Variants in TMEM209 observed in about 807,000 individuals in gnomAD.
TMEM209 encodes testicular tissue protein Li 202.
A neutral mutation model predicts 76.2 loss-of-function variants in TMEM209; 65 were observed. That is an observed-to-expected ratio of 0.85 (90% CI 0.70 to 1.05). The LOEUF (loss-of-function observed/expected upper bound fraction) is 1.05. Among genes scored for constraint, TMEM209 ranks in the 50% least tolerant of loss-of-function variants. TMEM209 has a pLI of 0.00. For synonymous variants in TMEM209, 239 were observed against 237.6 expected (o/e 1.01, Z -0.06); for missense variants, 623 against 685.5 (o/e 0.91, Z 1.02).
intron 12 of TMEM209, 30 bp downstream of exon 12, chr7:130,173,795 T>G (rs1797151553): frequency 1.9e-6 from 3 of 1,609,252 alleles, no homozygotes; most frequent in Non-Finnish European, 2.6e-6. Flanking sequence ...TGTGAAAATC[T>G]CAACACATTC....
chr7:130,182,028 C>T (rs780957528), intron 8 of TMEM209: 1 of 230,882 alleles, frequency 4.3e-6, no homozygotes, highest in Non-Finnish European at 8.8e-6. Context: ...GCAACCTCCA[C>T]TTCCCAAGTT....
Position 130,197,677 on chromosome 7 carries a change from C to T in TMEM209, c.573+4173G>A, listed in dbSNP as rs117823691. ...TAACTTAAAAAGATCAGTAACAACA[C>T]AGACACATGAAACATTATGGTAATA... On this transcript the variant is annotated intron_variant, in intron 5 of 14. Transcript: ENST00000397622. Among the ~76,000 whole-genome samples, 1,001 of 152,310 alleles carry T rather than the reference C, an allele frequency of 6.6e-3. 9 individuals carry two copies. Among genetic ancestry groups the T allele is most frequent in the Non-Finnish European group, 0.011 (781 of 68,018 alleles).
chr7:130,201,567 G>A (rs1435491597), intron 5 of TMEM209, among the ~76,000 whole-genome samples: 1 of 152,152 alleles, frequency 6.6e-6, no homozygotes, highest in African/African-American at 2.4e-5. Context: ...AGGAGTAAAA[G>A]CAACTAAAGT....
chr7:130,168,584 C>T (rs1264283477), intron 14 of TMEM209, among the ~76,000 whole-genome samples: 4 of 152,028 alleles, frequency 2.6e-5, no homozygotes, highest in South Asian at 2.1e-4. Flanking sequence ...GAAAATTTGA[C>T]ATGGGAGAAT....
intron 5 of TMEM209, among the ~76,000 whole-genome samples, chr7:130,198,960 C>T (rs1451851336): frequency 6.6e-6 from 1 of 152,144 alleles, no homozygotes; most frequent in South Asian, 2.1e-4. Context: ...CCTACTTTAT[C>T]AGACATTGAT....
rs1325754228 is a variant in TMEM209, at chr7:130,201,934, G to A, written c.489C>T (p.Ser163=). 3.7e-6 allele frequency: 6 copies of A among 1,613,814 alleles called. No homozygotes were observed. Among genetic ancestry groups the A allele is most frequent in the Non-Finnish European group, 5.1e-6 (6 of 1,179,876 alleles). Residue 163 remains serine, a synonymous_variant, in exon 5 of 15, where the codon AGC becomes AGT. Coordinates refer to ENST00000397622, the MANE Select transcript of TMEM209 (RefSeq NM_032842.4). The part of the protein sequence containing the change: ...KFTTSCMTGY[S]PQLQGLSSGG... ...CTGAGGACAGACCTTGCAGCTGAGG[G>A]CTGTAACCAGTCATACAGCTGGTGG...
chr7:130,187,404 A>G (rs1797638271), intron 6 of TMEM209, among the ~76,000 whole-genome samples: 1 of 152,178 alleles, frequency 6.6e-6, no homozygotes, highest in Non-Finnish European at 1.5e-5. Flanking sequence ...TGGCTGCTCT[A>G]GAGAATTTTG....
chr7:130,201,189 TAC>T lies in TMEM209; in HGVS notation c.573+659_573+660del, dbSNP rs537607364. On this transcript the variant is annotated intron_variant, in intron 5 of 14. Transcript: ENST00000397622. ...AGAGACTCCTCTTTTAACTAGCAGCTACAGAGATGTTAGTCGAACACAGTAGC... is the reference window on the plus strand; with the variant it reads ...AGAGACTCCTCTTTTAACTAGCAGCTAGAGATGTTAGTCGAACACAGTAGC... 1.6e-4 allele frequency among the ~76,000 whole-genome samples: 24 copies of T among 148,998 alleles called. 1 individual carries two copies. The highest frequency in any genetic ancestry group is 5.6e-4 in the African/African-American group (23 of 40,730).
At chr7:130,173,413 G>GC (rs1797136215) in intron 13 of TMEM209, among the ~76,000 whole-genome samples, 1 of 152,114 alleles carries the variant, frequency 6.6e-6, no homozygotes, top group African/African-American at 2.4e-5. Context: ...AACAATGACT[G>GC]CCTCAGGTAA....
chr7:130,200,496 G>GT (rs1275918911), intron 5 of TMEM209, among the ~76,000 whole-genome samples: 1 of 151,954 alleles, frequency 6.6e-6, no homozygotes, highest in Non-Finnish European at 1.5e-5. Context: ...ACATTAAAAA[G>GT]TTTTTTTATA....
At chr7:130,201,704 T>TTAA in intron 5 of TMEM209, 146 bp downstream of exon 5, 1 of 982,198 alleles carries the variant, frequency 1.0e-6, no homozygotes, top group Middle Eastern at 3.1e-4. Context: ...TTTAAGATAT[T>TTAA]ATGTTCTATT....
intron 5 of TMEM209, among the ~76,000 whole-genome samples, chr7:130,194,198 C>CAAAAAAAAAAAAAAAAAAAAAA (rs577499976): frequency 9.5e-6 from 1 of 105,364 alleles, no homozygotes; most frequent in African/African-American, 3.6e-5. Context: ...GACTCCGTCT[C>CAAAAAAAAAAAAAAAAAAAAAA]AAAAAAAAAA....
intron 7 of TMEM209, 66 bp from the exon 8 acceptor site, chr7:130,184,321 T>G (rs1797521447): frequency 8.6e-7 from 1 of 1,164,626 alleles, no homozygotes. Context: ...TCATCATTCT[T>G]TCTCCCATCC....
rs1252793132 is a variant in TMEM209, at chr7:130,166,487, T to C, written c.1650A>G (p.Leu550=). The change falls in exon 15 of 15, where the codon CTA becomes CTG. Residue 550 remains leucine (L), a synonymous_variant. Coordinates refer to ENST00000397622, the MANE Select transcript of TMEM209 (RefSeq NM_032842.4). Reference sequence around the variant, plus strand: ...AGATCCACAATATATTCACACCAGATAGACCAAGATTAACTCTCCTATAAA... The same window carrying C: ...AGATCCACAATATATTCACACCAGACAGACCAAGATTAACTCTCCTATAAA... ...SGMLGRVNLG[L]SGVNILWIFG... is the part of the protein sequence containing the mutation. 1.3e-6 allele frequency: 2 copies of C among 1,541,464 alleles called. No individual in the cohort carries two copies. Among genetic ancestry groups the C allele is most frequent in the Non-Finnish European group, 1.7e-6 (2 of 1,143,374 alleles).
At chr7:130,188,452 C>T (rs1372624831) in intron 6 of TMEM209, among the ~76,000 whole-genome samples, 3 of 151,716 alleles carry the variant, frequency 2.0e-5, no homozygotes, top group Admixed American at 6.6e-5. Context: ...AAAAATTAGC[C>T]AGGCGTGGTG....
At chr7:130,200,374 AAAAC>A (rs1445450684) in intron 5 of TMEM209, among the ~76,000 whole-genome samples, 1 of 152,232 alleles carries the variant, frequency 6.6e-6, no homozygotes, top group East Asian at 1.9e-4. Context: ...ACAGTGTGGT[AAAAC>A]AAACACTCTT....
At chr7:130,189,343 G>A (rs796122782) in intron 6 of TMEM209, among the ~76,000 whole-genome samples, 10 of 152,056 alleles carry the variant, frequency 6.6e-5, no homozygotes, top group East Asian at 5.8e-4. Context: ...ATACAGGCTC[G>A]CGTCACCAAG....
chr7:130,173,912 G>A lies in TMEM209; in HGVS notation c.1372C>T (p.Leu458Phe). Residue 458 changes from leucine to phenylalanine, a missense_variant, in exon 12 of 15, where the codon CTT (leucine) becomes TTT (phenylalanine). Physicochemically the swap from Leu to Phe is conservative, Grantham distance 22. Transcript: ENST00000397622. The part of the protein sequence containing the change: ...AIIMHVFCTY[L>F]DSRLPPHPKY... ...GGATGTGGAGGTAATCTGGAATCAA[G>A]GTAGGTGCAAAATACATGCATGATG... 6.2e-7 allele frequency: 1 copy of A among 1,613,498 alleles called. No individual in the cohort carries two copies. The highest frequency in any genetic ancestry group is 8.5e-7 in the Non-Finnish European group (1 of 1,179,496).
intron 6 of TMEM209, among the ~76,000 whole-genome samples, chr7:130,191,151 A>G (rs1797782701): frequency 6.6e-6 from 1 of 152,160 alleles, no homozygotes; most frequent in African/African-American, 2.4e-5. Context: ...TATACCAGCC[A>G]GATACTAACC....
Sources: gnomAD v4.1 joint callset for allele counts (sites outside exome capture counted in the v4.1 genomes callset) on GRCh38, gnomAD v4.1.1 for gene constraint, MANE v1.5 for transcripts, NCBI Gene and HGNC (gene_info 2026-07-23, HGNC 2026-07-21) for gene names.